SLC18A1: variants seen among roughly 807,000 people sequenced by gnomAD.
The protein encoded by SLC18A1 is solute carrier family 18 member A1, also known as chromaffin granule amine transporter.
SLC18A1 carries 69 observed loss-of-function variants against 53.7 expected under a neutral mutation model. That is an observed-to-expected ratio of 1.28 (90% confidence interval 1.06 to 1.57). SLC18A1 has a LOEUF of 1.57. Ranked by LOEUF, SLC18A1 falls within the 40% of genes most tolerant of loss-of-function variation. The probability of loss-of-function intolerance (pLI) is 0.00; values close to 1 mark genes in which losing one functional copy is unlikely to be tolerated. For synonymous variants in SLC18A1, 320 were observed against 248.1 expected, an observed-to-expected ratio of 1.29 and a Z score of -2.72; for missense variants, 932 against 668.1, an observed-to-expected ratio of 1.40 and a Z score of -4.35.
intron 10 of SLC18A1, among the ~76,000 whole-genome samples, chr8:20,162,224 C>G (rs1299224965): frequency 2.0e-5 from 3 of 152,130 alleles, no homozygotes; most frequent in African/African-American, 7.2e-5. Context: ...TTCTGCCCTC[C>G]TACATCTCTG....
At position 20,164,148 on chromosome 8, in the gene SLC18A1, C is replaced by T. The variant is rs141672668; in HGVS notation, c.1015+721G>A. ...TTCTTATCAGCTTCCCCTCTGGCCC[C>T]GTAAGCCTCTCCTCCCTGCAGTGAT... On this transcript the variant is annotated intron_variant, in intron 10 of 15. Transcript: ENST00000276373. Among the ~76,000 whole-genome samples, 797 of 152,228 alleles carry T rather than the reference C, an allele frequency of 5.2e-3. 9 individuals are homozygous for T. Among genetic ancestry groups the T allele is most frequent in the African/African-American group, 0.018 (755 of 41,532 alleles).
intron 4 of SLC18A1, among the ~76,000 whole-genome samples, chr8:20,177,426 G>A (rs924213179): frequency 2.0e-5 from 3 of 152,170 alleles, no homozygotes; most frequent in Admixed American, 6.6e-5. Flanking sequence ...TCACTCATAG[G>A]TGGGAATTGA....
Position 20,163,408 on chromosome 8 carries a change from C to T in SLC18A1, c.1015+1461G>A, listed in dbSNP as rs564524280. ...GGTCAAAGAGGTTAAATAACTTATCCGAGGTCACAATCAGTAAGTGACGTG... is the reference window on the plus strand; with the variant it reads ...GGTCAAAGAGGTTAAATAACTTATCTGAGGTCACAATCAGTAAGTGACGTG... On this transcript the variant is annotated intron_variant, in intron 10 of 15. Coordinates refer to ENST00000276373, the MANE Select transcript of SLC18A1 (RefSeq NM_003053.4). Among the ~76,000 whole-genome samples the T allele has an allele frequency of 8.5e-5, 13 of 152,178 alleles. No homozygotes were observed. In the East Asian group the frequency reaches 1.2e-3, roughly 14 times the overall value.
At chr8:20,147,448 T>C in intron 14 of SLC18A1, 57 bp from the exon 15 acceptor site, 1 of 1,581,370 alleles carries the variant, frequency 6.3e-7, no homozygotes, top group South Asian at 1.2e-5. Flanking sequence ...TGGAGCATCC[T>C]CCACGTAGGA....
At chr8:20,148,584 G>T in intron 12 of SLC18A1, 1 of 671,998 alleles carries the variant, frequency 1.5e-6, no homozygotes, top group Non-Finnish European at 2.4e-6. Context: ...GGGGGCAGGT[G>T]GTGTGGCTTG....
chr8:20,145,615 G>C lies in SLC18A1; in HGVS notation c.*148C>G, dbSNP rs1454500486. On this transcript the variant is annotated 3_prime_UTR_variant, in exon 16 of 16. Transcript: ENST00000276373. ...AGTTACACAGGTGAGAAGAGTATCA[G>C]GGACAGTGTCCATGGGAGGGGAGGA... The C allele has an allele frequency of 3.8e-5, 20 of 523,808 alleles. No homozygotes were observed. In the East Asian group the frequency reaches 6.4e-4, roughly 17 times the overall value. 32.4% of individuals were successfully genotyped at this position (523,808 alleles called of 1,614,324 possible). A position where few individuals can be genotyped will look rare whatever the true frequency, so the allele number is the denominator to read the frequency against.
intron 10 of SLC18A1, 127 bp downstream of exon 10, chr8:20,164,742 A>G: frequency 1.5e-6 from 1 of 683,140 alleles, no homozygotes; most frequent in South Asian, 2.0e-5. Flanking sequence ...GGCTTGATTC[A>G]TGGGTGTGGA....
intron 10 of SLC18A1, among the ~76,000 whole-genome samples, chr8:20,156,807 C>CT (rs1238039573): frequency 2.0e-5 from 3 of 152,348 alleles, no homozygotes; most frequent in East Asian, 3.9e-4. Context: ...GGCAAAAACT[C>CT]TATCTCAATC....
At chr8:20,177,106 T>C (rs2072271527) in intron 4 of SLC18A1, among the ~76,000 whole-genome samples, 1 of 152,218 alleles carries the variant, frequency 6.6e-6, no homozygotes, top group South Asian at 2.1e-4. Context: ...CCTGGCATCT[T>C]ATTATTTTTA....
chr8:20,171,722 G>T (rs1242807780), intron 6 of SLC18A1, among the ~76,000 whole-genome samples: 1 of 151,864 alleles, frequency 6.6e-6, no homozygotes, highest in African/African-American at 2.4e-5. Flanking sequence ...GTGTGTGTAT[G>T]TATGTGTGTG....
chr8:20,161,281 T>C (rs1027955468), intron 10 of SLC18A1, among the ~76,000 whole-genome samples: 2 of 152,312 alleles, frequency 1.3e-5, no homozygotes, highest in South Asian at 2.1e-4. Flanking sequence ...AAACAAATTA[T>C]ACTTGGCCCT....
chr8:20,150,504 A>G (rs2071523114), intron 11 of SLC18A1, among the ~76,000 whole-genome samples, 162 bp downstream of exon 11: 2 of 151,968 alleles, frequency 1.3e-5, no homozygotes, highest in African/African-American at 4.8e-5. Context: ...TACCACCCTC[A>G]CCACTCACTC....
chr8:20,168,616 G>C (rs1431456311), intron 8 of SLC18A1, among the ~76,000 whole-genome samples: 1 of 151,460 alleles, frequency 6.6e-6, no homozygotes, highest in African/African-American at 2.4e-5. Context: ...GTCTTACTTT[G>C]TCACCCAGGC....
intron 10 of SLC18A1, among the ~76,000 whole-genome samples, chr8:20,161,567 A>C (rs1309574076): frequency 6.6e-6 from 1 of 152,162 alleles, no homozygotes; most frequent in Non-Finnish European, 1.5e-5. Context: ...ATCCGTGAGG[A>C]GTCCTAGAAC....
At chr8:20,158,135 T>A (rs958891408) in intron 10 of SLC18A1, among the ~76,000 whole-genome samples, 4 of 152,160 alleles carry the variant, frequency 2.6e-5, no homozygotes, top group Non-Finnish European at 4.4e-5. Context: ...GAGCCCTGGG[T>A]ATGCTTGACC....
chr8:20,171,592 G>C lies in SLC18A1; in HGVS notation c.725-98C>G, dbSNP rs6987705. 3.0e-3 allele frequency: 2,742 copies of C among 914,494 alleles called. 63 individuals carry two copies. In the African/African-American group the frequency reaches 0.04, roughly 13 times the overall value. The allele number at this position is 914,494 out of a possible 1,614,324, so 56.6% of individuals were successfully genotyped here. Reference sequence around the variant, plus strand: ...CCCCGTGAGCATTTGCAGAAGGCCTGCTAGGGGCTAAGCTCCACCTGAGGC... The same window carrying C: ...CCCCGTGAGCATTTGCAGAAGGCCTCCTAGGGGCTAAGCTCCACCTGAGGC... On this transcript the variant is annotated intron_variant, in intron 6 of 15. Coordinates refer to ENST00000276373, the MANE Select transcript of SLC18A1 (RefSeq NM_003053.4).
At chr8:20,162,276 C>T (rs1449881985) in intron 10 of SLC18A1, among the ~76,000 whole-genome samples, 1 of 152,160 alleles carries the variant, frequency 6.6e-6, no homozygotes, top group Non-Finnish European at 1.5e-5. Flanking sequence ...CTCTAAAATG[C>T]CTTTGGGTCT....
At chr8:20,160,427 T>A (rs2071797012) in intron 10 of SLC18A1, among the ~76,000 whole-genome samples, 1 of 151,652 alleles carries the variant, frequency 6.6e-6, no homozygotes, top group Non-Finnish European at 1.5e-5. Flanking sequence ...GCAAAATAGG[T>A]GCTCCAGAAT....
At chr8:20,178,516 A>AAAG in intron 3 of SLC18A1, 23 bp from the exon 4 acceptor site, 1 of 1,575,166 alleles carries the variant, frequency 6.3e-7, no homozygotes, top group Non-Finnish European at 8.6e-7. Context: ...TGAAAAAAAA[A>AAAG]AAGATACAAT....
Sources: gnomAD v4.1 joint callset for allele counts (sites outside exome capture counted in the v4.1 genomes callset) on GRCh38, gnomAD v4.1.1 for gene constraint, MANE v1.5 for transcripts, NCBI Gene and HGNC (gene_info 2026-07-23, HGNC 2026-07-21) for gene names.